The following NDST4 variants were observed in gnomAD, a reference collection of about 807,000 sequenced individuals.
NDST4 encodes the protein N-deacetylase and N-sulfotransferase 4.
Under a neutral mutation model 100.8 loss-of-function variants are expected in NDST4, and 63 were observed. The ratio of observed to expected loss-of-function variants is 0.62; its 90% CI spans 0.51 to 0.77. The LOEUF (loss-of-function observed/expected upper bound fraction) is 0.77. Ranked by LOEUF, NDST4 falls within the 30% of genes least tolerant of loss-of-function variation. The probability of loss-of-function intolerance (pLI) is 0.00; values close to 1 mark genes in which losing one functional copy is unlikely to be tolerated. For missense variants in NDST4, 943 were observed against 1,018.4 expected (o/e 0.93, Z 1.01); for synonymous variants, 377 against 361.8 (o/e 1.04, Z -0.48).
chr4:114,937,197 G>C (rs1725648296), intron 5 of NDST4, 121 bp downstream of exon 5: 1 of 979,386 alleles, frequency 1.0e-6, no homozygotes. Context: ...AGATATGTTA[G>C]GTATTTCTGA....
At chr4:114,991,900 A>G (rs1727047808) in intron 2 of NDST4, among the ~76,000 whole-genome samples, 1 of 152,030 alleles carries the variant, frequency 6.6e-6, no homozygotes, top group Non-Finnish European at 1.5e-5. Context: ...TTTTATTTGT[A>G]CATATGCCTT....
chr4:114,843,474 T>C (rs943669854), intron 10 of NDST4, among the ~76,000 whole-genome samples: 4 of 152,186 alleles, frequency 2.6e-5, no homozygotes, highest in African/African-American at 9.7e-5. Flanking sequence ...TAAACCAGTG[T>C]CCTGTTTTAC....
At chr4:115,001,788 T>G (rs1245458538) in intron 2 of NDST4, among the ~76,000 whole-genome samples, 1 of 152,186 alleles carries the variant, frequency 6.6e-6, no homozygotes, top group Non-Finnish European at 1.5e-5. Flanking sequence ...AAAAATGACT[T>G]GCAGCTTTCA....
rs139298507 is a variant in NDST4 at position 114,986,222 on chromosome 4, G to A, written c.979-8948C>T. 7.4e-3 allele frequency among the ~76,000 whole-genome samples: 1,129 copies of A among 152,270 alleles called. 15 individuals are homozygous for A. Among genetic ancestry groups the A allele is most frequent in the Middle Eastern group, 0.017 (5 of 294 alleles). On this transcript the variant is annotated intron_variant, in intron 2 of 13. Transcript: ENST00000264363. ...TTGCATTTTCTGCCTGATTATCAAAGAACACAATGAAGGTTATATAAATCA... is the reference window on the plus strand; with the variant it reads ...TTGCATTTTCTGCCTGATTATCAAAAAACACAATGAAGGTTATATAAATCA...
intron 1 of NDST4, among the ~76,000 whole-genome samples, chr4:115,105,664 C>T (rs1487767907): frequency 6.6e-6 from 1 of 152,070 alleles, no homozygotes; most frequent in East Asian, 1.9e-4. Flanking sequence ...GGCAGAAATT[C>T]CTTCCACAAA....
At chr4:114,947,151 G>T (rs1009669948) in intron 4 of NDST4, among the ~76,000 whole-genome samples, 1 of 152,124 alleles carries the variant, frequency 6.6e-6, no homozygotes, top group African/African-American at 2.4e-5. Flanking sequence ...TCTATGGCCA[G>T]GTATTAAAGT....
chr4:114,879,212 C>G (rs948201136), intron 6 of NDST4, among the ~76,000 whole-genome samples: 1 of 152,034 alleles, frequency 6.6e-6, no homozygotes, highest in South Asian at 2.1e-4. Context: ...TTGAAATATA[C>G]AATACATTAT....
chr4:115,040,066 G>T (rs1235609246), intron 2 of NDST4, among the ~76,000 whole-genome samples: 1 of 151,306 alleles, frequency 6.6e-6, no homozygotes. Flanking sequence ...GATTTATATT[G>T]ATTTATTATT....
chr4:114,928,801 C>T lies in NDST4; in HGVS notation c.1536+6405G>A, dbSNP rs148866623. Among the ~76,000 whole-genome samples the T allele has an allele frequency of 9.7e-3, 1,474 of 152,142 alleles. 78 individuals are homozygous for T. The South Asian group carries it at 0.16, about 16-fold the overall frequency. On this transcript the variant is annotated intron_variant, in intron 6 of 13. Transcript: ENST00000264363. ...ATTTCCTTCTGCTTGACTGCCTTCA[C>T]TTTGGGACACTGTTTTTTCTTCTCT...
chr4:114,975,826 C>A (rs1160144944), intron 3 of NDST4, among the ~76,000 whole-genome samples: 1 of 152,056 alleles, frequency 6.6e-6, no homozygotes, highest in Non-Finnish European at 1.5e-5. Flanking sequence ...TTTATAACTT[C>A]ATAGTCAGAG....
intron 7 of NDST4, among the ~76,000 whole-genome samples, chr4:114,857,780 A>G (rs1271352574): frequency 6.6e-6 from 1 of 152,212 alleles, no homozygotes; most frequent in Admixed American, 6.5e-5. Context: ...AGCAGAGATG[A>G]ATAAATGGCA....
At chr4:115,108,959 A>G (rs1043537015) in intron 1 of NDST4, among the ~76,000 whole-genome samples, 1 of 151,714 alleles carries the variant, frequency 6.6e-6, no homozygotes, top group African/African-American at 2.4e-5. Context: ...AAGGAGGGAA[A>G]AAGGGAGGAA....
intron 2 of NDST4, among the ~76,000 whole-genome samples, chr4:115,015,933 A>T (rs1727667485): frequency 6.6e-6 from 1 of 151,992 alleles, no homozygotes; most frequent in African/African-American, 2.4e-5. Context: ...TGGTATGTTG[A>T]TTACATTGGA....
rs1191132000 is a variant in NDST4, at chr4:115,020,230, A to G, written c.979-42956T>C. ...AAGTGATCATAGTCAGAATGTTGTC[A>G]GAAAGATGGACTGTGAAGTCCAATC... is the stretch of plus-strand genomic sequence containing the variant. On this transcript the variant is annotated intron_variant, in intron 2 of 13. Transcript: ENST00000264363. Among the ~76,000 whole-genome samples the G allele has an allele frequency of 5.3e-5, 8 of 152,178 alleles. No homozygotes were observed. In the East Asian group the frequency reaches 1.5e-3, roughly 29 times the overall value.
Position 114,932,034 on chromosome 4 carries a change from C to T in NDST4, c.1536+3172G>A, listed in dbSNP as rs1000456086. On this transcript the variant is annotated intron_variant, in intron 6 of 13. Transcript: ENST00000264363. ...CCTGATATCAAAGCCAGTTAAGGGCCCTATAGGAAAAGAAAATTACAGGGT... is the reference window on the plus strand; with the variant it reads ...CCTGATATCAAAGCCAGTTAAGGGCTCTATAGGAAAAGAAAATTACAGGGT... Among the ~76,000 whole-genome samples, 6 of 151,788 alleles carry T rather than the reference C, an allele frequency of 4.0e-5. No homozygotes were observed. In the East Asian group the frequency reaches 1.2e-3, roughly 29 times the overall value.
intron 6 of NDST4, among the ~76,000 whole-genome samples, chr4:114,899,680 G>C (rs1207370581): frequency 1.3e-5 from 2 of 152,098 alleles, no homozygotes; most frequent in African/African-American, 4.8e-5. Context: ...TTGCATACTT[G>C]AAATAAATTC....
chr4:115,077,422 G>A (rs142337413), intron 1 of NDST4, 140 bp from the exon 2 acceptor site: 2 of 157,378 alleles, frequency 1.3e-5, no homozygotes, highest in East Asian at 3.8e-4. Flanking sequence ...ACAACCTGAT[G>A]TTTACAGTCT....
intron 2 of NDST4, among the ~76,000 whole-genome samples, chr4:115,045,585 C>A (rs895539282): frequency 6.6e-6 from 1 of 152,096 alleles, no homozygotes; most frequent in Non-Finnish European, 1.5e-5. Flanking sequence ...GAATGCCTGA[C>A]CTCCCAGCAG....
At chr4:114,870,986 T>C (rs1051738859) in intron 6 of NDST4, 36 bp from the exon 7 acceptor site, 5 of 1,550,664 alleles carry the variant, frequency 3.2e-6, no homozygotes, top group South Asian at 1.2e-5. Context: ...AAAAATATCA[T>C]ATGCTTAAGC....
Sources: allele counts gnomAD v4.1 joint callset (sites outside exome capture counted in the v4.1 genomes callset), GRCh38; gene constraint gnomAD v4.1.1; transcripts MANE v1.5; gene names NCBI Gene and HGNC (gene_info 2026-07-23, HGNC 2026-07-21).